PA2G4: variants seen among roughly 807,000 people sequenced by gnomAD.
PA2G4 encodes the protein proliferation-associated protein 2G4.
Under a neutral mutation model 53.3 loss-of-function variants are expected in PA2G4, and 8 were observed. That is an observed-to-expected ratio of 0.15 (90% CI 0.09 to 0.27). PA2G4 has a LOEUF of 0.27. PA2G4 is among the 10% of genes least tolerant of loss of function. PA2G4 has a pLI of 1.00. For missense variants in PA2G4, 208 were observed against 486.8 expected (o/e 0.43, Z 5.39); for synonymous variants, 143 against 169.8 (o/e 0.84, Z 1.23).
intron 5 of PA2G4, 54 bp downstream of exon 5, chr12:56,107,667 A>G: frequency 8.7e-7 from 1 of 1,152,928 alleles, no homozygotes; most frequent in Non-Finnish European, 1.3e-6. Context: ...TGCATTAGGC[A>G]CCTATAGCTA....
Position 56,113,584 on chromosome 12 carries a change from G to T in PA2G4, c.*696G>T. 1 of 442,624 alleles carries T rather than the reference G, an allele frequency of 2.3e-6. No homozygotes were observed. The allele number at this position is 442,624 out of a possible 1,614,324, so 27.4% of individuals were successfully genotyped here. On this transcript the variant is annotated 3_prime_UTR_variant, in exon 13 of 13. Coordinates refer to ENST00000303305, the MANE Select transcript of PA2G4 (RefSeq NM_006191.3). ...ATCTCAACCTTACCCTTTTTCTCTG[G>T]AGTCAGTGGGGTCTTTCCTCGCTCC...
chr12:56,105,902 G>C (rs1869289005), intron 1 of PA2G4, among the ~76,000 whole-genome samples: 1 of 152,148 alleles, frequency 6.6e-6, no homozygotes, highest in South Asian at 2.1e-4. Flanking sequence ...AGTTTTACCA[G>C]CTTTCAAAGA....
intron 2 of PA2G4, 112 bp from the exon 3 acceptor site, chr12:56,106,878 C>A (rs1474294541): frequency 3.1e-6 from 4 of 1,276,336 alleles, no homozygotes; most frequent in East Asian, 4.6e-5. Context: ...CCTACCTAAT[C>A]CAAACTGATG....
At chr12:56,112,734 GAA>G in intron 12 of PA2G4, 87 bp from the exon 13 acceptor site, 2 of 903,652 alleles carry the variant, frequency 2.2e-6, no homozygotes, top group South Asian at 1.5e-5. Flanking sequence ...GACTGTCTCA[GAA>G]AAAAAAATAC....
chr12:56,109,008 C>G (rs1869358910), intron 5 of PA2G4, among the ~76,000 whole-genome samples: 1 of 151,586 alleles, frequency 6.6e-6, no homozygotes, highest in Admixed American at 6.6e-5. Context: ...TGCCTGTAAT[C>G]CCAGCTACTC....
intron 9 of PA2G4, 83 bp from the exon 10 acceptor site, chr12:56,110,881 T>C (rs899319896): frequency 7.2e-7 from 1 of 1,392,942 alleles, no homozygotes; most frequent in Admixed American, 1.9e-5. Context: ...TGCCTGAGGG[T>C]AGGAGCTATT....
In PA2G4 at chr12:56,104,771, A is replaced by G. The variant is rs1869254796; in HGVS notation, c.34A>G (p.Ile12Val). The G allele has an allele frequency of 6.2e-7, 1 of 1,613,906 alleles. No homozygotes were observed. Among genetic ancestry groups the G allele is most frequent in the Non-Finnish European group, 8.5e-7 (1 of 1,180,004 alleles). ...CGAGGACGAGCAACAGGAGCAAACTATCGCTGAGGACCTGGTCGTGACCAA... is the reference window on the plus strand; with the variant it reads ...CGAGGACGAGCAACAGGAGCAAACTGTCGCTGAGGACCTGGTCGTGACCAA... ...SGEDEQQEQTIAEDLVVTKYK... is the reference protein window; with the variant it reads ...SGEDEQQEQTVAEDLVVTKYK... The change falls in exon 1 of 13, where the codon ATC (isoleucine) becomes GTC (valine). Residue 12 changes from isoleucine to valine, a missense_variant. Coordinates refer to ENST00000303305, the MANE Select transcript of PA2G4 (RefSeq NM_006191.3).
chr12:56,106,189 T>TA (rs1869296796), intron 1 of PA2G4: 1 of 157,608 alleles, frequency 6.3e-6, no homozygotes, highest in Admixed American at 6.4e-5. Flanking sequence ...AACACCTAAT[T>TA]AGAGTGTCTG....
chr12:56,110,803 C>T, intron 9 of PA2G4, 111 bp downstream of exon 9: 2 of 1,386,452 alleles, frequency 1.4e-6, no homozygotes, highest in Non-Finnish European at 2.0e-6. Flanking sequence ...GTGCTCACTC[C>T]CTCCCTCTCT....
At position 56,109,721 on chromosome 12, in the gene PA2G4, G is replaced by A. The variant is rs962815900; in HGVS notation, c.551-136G>A. ...CCTGGCTATAACCCAGTCTAAGCCA[G>A]AAATCTCAGAGCCCTGTGTTTCCAT... is the stretch of plus-strand genomic sequence containing the variant. On this transcript the variant is annotated intron_variant, in intron 6 of 12. Coordinates refer to ENST00000303305, the MANE Select transcript of PA2G4 (RefSeq NM_006191.3). 9 of 663,096 alleles carry A rather than the reference G, an allele frequency of 1.4e-5. No individual in the cohort carries two copies. The African/African-American group carries it at 1.4e-4, about 11-fold the overall frequency. The allele number at this position is 663,096 out of a possible 1,614,324, so 41.1% of individuals were successfully genotyped here. A position where few individuals can be genotyped will look rare whatever the true frequency, so the allele number is the denominator to read the frequency against.
intron 12 of PA2G4, among the ~76,000 whole-genome samples, 182 bp downstream of exon 12, chr12:56,111,711 T>A (rs1386513021): frequency 6.8e-6 from 1 of 148,134 alleles, no homozygotes; most frequent in African/African-American, 2.4e-5. Flanking sequence ...GATTTTAAAA[T>A]ATATATATAT....
chr12:56,107,221 A>G lies in PA2G4; in HGVS notation c.358A>G (p.Asn120Asp). 6.2e-7 allele frequency: 1 copy of G among 1,613,594 alleles called. No homozygotes were observed. The highest frequency in any genetic ancestry group is 8.5e-7 in the Non-Finnish European group (1 of 1,179,850). Residue 120 changes from asparagine (N) to aspartate (D), a missense_variant, in exon 4 of 13, where the codon AAT becomes GAT. Transcript: ENST00000303305. ...LGVHVDGFIA[N>D]VAHTFVVDVA... ...GGTCCATGTGGATGGCTTCATCGCT[A>G]ATGTAGCTCACACTTTTGTGGTTGA...
At position 56,113,747 on chromosome 12, in the gene PA2G4, T is replaced by A; in HGVS notation, c.*859T>A. ...GACACAACTCCTGGCTTTCTGAAGC[T>A]ATGGACTTGGATTGGATTGCTGGGG... On this transcript the variant is annotated 3_prime_UTR_variant, in exon 13 of 13. Coordinates refer to ENST00000303305, the MANE Select transcript of PA2G4 (RefSeq NM_006191.3). 1.5e-6 allele frequency: 1 copy of A among 677,038 alleles called. No individual in the cohort carries two copies. Among genetic ancestry groups the A allele is most frequent in the East Asian group, 2.7e-5 (1 of 37,154 alleles). 41.9% of individuals were successfully genotyped at this position (677,038 alleles called of 1,614,324 possible). A position where few individuals can be genotyped will look rare whatever the true frequency, so the allele number is the denominator to read the frequency against.
Position 56,107,529 on chromosome 12 carries a change from A to G in PA2G4, c.402A>G (p.Gln134=). 1 of 1,612,314 alleles carries G rather than the reference A, an allele frequency of 6.2e-7. No homozygotes were observed. Among genetic ancestry groups the G allele is most frequent in the Non-Finnish European group, 8.5e-7 (1 of 1,178,322 alleles). ...TFVVDVAQGT[Q]VTGRKADVIK... Reference sequence around the variant, plus strand: ...CATGTCCTTATCTACAGGGGACCCAAGTAACAGGGAGGAAAGCAGATGTTA... The same window carrying G: ...CATGTCCTTATCTACAGGGGACCCAGGTAACAGGGAGGAAAGCAGATGTTA... Residue 134 remains glutamine (Q), a synonymous_variant, in exon 5 of 13, where the codon CAA becomes CAG. Coordinates refer to ENST00000303305, the MANE Select transcript of PA2G4 (RefSeq NM_006191.3).
chr12:56,104,869 A>G, intron 1 of PA2G4, 44 bp downstream of exon 1: 1 of 1,522,136 alleles, frequency 6.6e-7, no homozygotes, highest in Non-Finnish European at 9.1e-7. Flanking sequence ...CTGATAGGGA[A>G]AGGTAACAGG....
In PA2G4 at chr12:56,107,104, A is replaced by G; in HGVS notation, c.323+9A>G. 1.9e-6 allele frequency: 3 copies of G among 1,608,866 alleles called. No individual in the cohort carries two copies. Among genetic ancestry groups the G allele is most frequent in the Non-Finnish European group, 8.5e-7 (1 of 1,175,158 alleles). On this transcript the variant is annotated intron_variant, in intron 3 of 12. Coordinates refer to ENST00000303305, the MANE Select transcript of PA2G4 (RefSeq NM_006191.3). ...GGTGACTTGGTAAAAATGTAAGGTTAAACCGTTTTAAAGCATTTTTCTTTT... is the reference window on the plus strand; with the variant it reads ...GGTGACTTGGTAAAAATGTAAGGTTGAACCGTTTTAAAGCATTTTTCTTTT...
Position 56,111,162 on chromosome 12 carries a change from C to T in PA2G4, c.938-20C>T, listed in dbSNP as rs1386081284. 6.2e-7 allele frequency: 1 copy of T among 1,614,188 alleles called. No homozygotes were observed. The highest frequency in any genetic ancestry group is 8.5e-7 in the Non-Finnish European group (1 of 1,180,004). ...GACAAAGGAACTTTTTATCAAAACA[C>T]ATCTTCATTTTTGCCATAGGTGAAT... On this transcript the variant is annotated intron_variant, in intron 10 of 12. Coordinates refer to ENST00000303305, the MANE Select transcript of PA2G4 (RefSeq NM_006191.3).
chr12:56,109,818 A>ACTGGATAG (rs774211905), intron 6 of PA2G4, 39 bp from the exon 7 acceptor site: 16 of 1,480,946 alleles, frequency 1.1e-5, no homozygotes, highest in Non-Finnish European at 1.3e-5. Flanking sequence ...CTTTTGGGAT[A>ACTGGATAG]CTGGATAGCT....
At chr12:56,110,780 T>A in intron 9 of PA2G4, 88 bp downstream of exon 9, 1 of 1,527,118 alleles carries the variant, frequency 6.5e-7, no homozygotes, top group Non-Finnish European at 9.0e-7. Context: ...CTGCCTAGAC[T>A]TGTAGCGTGC....
Sources: allele counts gnomAD v4.1 joint callset (sites outside exome capture counted in the v4.1 genomes callset), GRCh38; gene constraint gnomAD v4.1.1; transcripts MANE v1.5; gene names NCBI Gene and HGNC (gene_info 2026-07-23, HGNC 2026-07-21).